CR2: variants seen among roughly 807,000 people sequenced by gnomAD.
The protein encoded by CR2 is complement receptor type 2.
Under a neutral mutation model 123.0 loss-of-function variants are expected in CR2, and 96 were observed. The ratio of observed to expected loss-of-function variants is 0.78; its 90% CI spans 0.66 to 0.93. The LOEUF is 0.93. Ranked by LOEUF, CR2 falls within the 40% of genes least tolerant of loss-of-function variation. The pLI, the probability that CR2 is intolerant of heterozygous loss-of-function variation, is 0.00. For synonymous variants in CR2, 484 were observed against 469.5 expected (o/e 1.03, Z -0.40); for missense variants, 1,258 against 1,361.0 (o/e 0.92, Z 1.19).
chr1:207,478,148 A>T, intron 16 of CR2, 78 bp downstream of exon 16: 1 of 1,446,810 alleles, frequency 6.9e-7, no homozygotes, highest in South Asian at 1.2e-5. Context: ...CAGCGTGGAG[A>T]GTCCTGGGTT....
chr1:207,456,041 C>A (rs1249847962), intron 1 of CR2, among the ~76,000 whole-genome samples: 2 of 152,158 alleles, frequency 1.3e-5, no homozygotes, highest in Non-Finnish European at 2.9e-5. Flanking sequence ...AGGTCACTTT[C>A]CAATTATGAA....
At chr1:207,472,630 G>A in intron 9 of CR2, 142 bp from the exon 10 acceptor site, 1 of 776,406 alleles carries the variant, frequency 1.3e-6, no homozygotes. Context: ...TACTTAATGA[G>A]CTTTCACACA....
chr1:207,475,192 G>T lies in CR2; in HGVS notation c.2692G>T (p.Gly898Cys). The change falls in exon 14 of 20, where the codon GGT becomes TGT. Residue 898 changes from glycine to cysteine, a missense_variant. Physicochemically the swap from Gly to Cys is radical, Grantham distance 159. Coordinates refer to ENST00000367057, the MANE Select transcript of CR2 (RefSeq NM_001006658.3). ...RCHTDNTWVP[G>C]VPTCIKKAFI... is the part of the protein sequence containing the mutation. ...TCATACTGATAACACATGGGTGCCA[G>T]GTGTGCCAACTTGTATCAAAAAAGG... The T allele has an allele frequency of 8.7e-6, 14 of 1,613,964 alleles. No homozygotes were observed. The highest frequency in any genetic ancestry group is 1.1e-5 in the Non-Finnish European group (13 of 1,179,930).
intron 18 of CR2, among the ~76,000 whole-genome samples, chr1:207,480,480 A>G (rs1658573937): frequency 6.6e-6 from 1 of 152,052 alleles, no homozygotes; most frequent in South Asian, 2.1e-4. Flanking sequence ...ACTAAATAGC[A>G]TATTATTCTA....
chr1:207,455,572 A>C (rs1657813028), intron 1 of CR2, among the ~76,000 whole-genome samples: 1 of 152,322 alleles, frequency 6.6e-6, no homozygotes, highest in Middle Eastern at 3.4e-3. Flanking sequence ...AATACAGCAC[A>C]TATTAGTTTA....
In CR2 at chr1:207,487,901, C is replaced by T. The variant is rs550458714; in HGVS notation, c.*19-1241C>T. ...GAGTGAACGTGTGGAAGTTCTCTTCCGATGATTCAGTCTTCTCAGTGAATA... is the reference window on the plus strand; with the variant it reads ...GAGTGAACGTGTGGAAGTTCTCTTCTGATGATTCAGTCTTCTCAGTGAATA... On this transcript the variant is annotated intron_variant, in intron 19 of 19. Transcript: ENST00000367057. Among the ~76,000 whole-genome samples the T allele has an allele frequency of 7.9e-5, 12 of 152,172 alleles. No individual in the cohort carries two copies. In the South Asian group the frequency reaches 1.2e-3, roughly 16 times the overall value.
Position 207,480,028 on chromosome 1 carries a change from T to C in CR2, c.3163T>C (p.Tyr1055His). ...LLTFLIVITLYVISKHRARNY... is the reference protein window; with the variant it reads ...LLTFLIVITLHVISKHRARNY... ...TACCTTCTTGATTGTCATTACCTTA[T>C]ACGTGATATCAAAACACAGAGCACG... The change falls in exon 18 of 20, where the codon TAC becomes CAC. Residue 1055 changes from tyrosine to histidine, a missense_variant. Tyr to His is a moderately conservative substitution (Grantham distance 83). Coordinates refer to ENST00000367057, the MANE Select transcript of CR2 (RefSeq NM_001006658.3). The C allele has an allele frequency of 6.2e-7, 1 of 1,612,930 alleles. No homozygotes were observed. The highest frequency in any genetic ancestry group is 1.1e-5 in the South Asian group (1 of 91,056).
chr1:207,469,940 C>T lies in CR2; in HGVS notation c.1063C>T (p.Gln355Ter). The T allele has an allele frequency of 6.2e-7, 1 of 1,614,020 alleles. No homozygotes were observed. Among genetic ancestry groups the T allele is most frequent in the Non-Finnish European group, 8.5e-7 (1 of 1,179,950 alleles). ...STSAVQCPHPQILRGRMVSGQ... is the reference protein window; with the variant it reads ...STSAVQCPHP ...TTCTGCGGTTCAGTGTCCACATCCC[C>T]AGATCCTAAGAGGCCGAATGGTATC... Residue 355 changes from glutamine (Q) to a stop codon, truncating the protein, a stop_gained, in exon 6 of 20, where the codon CAG becomes TAG. Coordinates refer to ENST00000367057, the MANE Select transcript of CR2 (RefSeq NM_001006658.3). LOFTEE classifies it high-confidence loss of function.
At chr1:207,459,936 A>G (rs908208495) in intron 1 of CR2, among the ~76,000 whole-genome samples, 9 of 152,130 alleles carry the variant, frequency 5.9e-5, no homozygotes, top group African/African-American at 1.9e-4. Context: ...ATCATCCAGA[A>G]AGTGTGATCC....
At position 207,486,230 on chromosome 1, in the gene CR2, C is replaced by CAA. The variant is rs1173937738; in HGVS notation, c.*18+683_*18+684dup. ...TGGACAACAGAGCAAGACTGCATCT[C>CAA]AAAAAAAAAAAAAAAAAAAAAAAAA... On this transcript the variant is annotated intron_variant, in intron 19 of 19. Coordinates refer to ENST00000367057, the MANE Select transcript of CR2 (RefSeq NM_001006658.3). Among the ~76,000 whole-genome samples the CAA allele has an allele frequency of 1.3e-3, 54 of 42,992 alleles. 6 individuals are homozygous for CAA. Among genetic ancestry groups the CAA allele is most frequent in the African/African-American group, 3.2e-3 (39 of 12,090 alleles). 28.2% of individuals were successfully genotyped at this position (42,992 alleles called of 152,430 possible).
In CR2 at chr1:207,474,828, T is replaced by C. The variant is rs61735651; in HGVS notation, c.2328T>C (p.Ile776=). ...WFKKIPLCKV[I]HCHPPPVIVN... Reference sequence around the variant, plus strand: ...CTCCCTAAATCTCTTCTGCAGTTATTCACTGTCACCCTCCACCAGTGATTG... The same window carrying C: ...CTCCCTAAATCTCTTCTGCAGTTATCCACTGTCACCCTCCACCAGTGATTG... Residue 776 remains isoleucine (I), a synonymous_variant, in exon 14 of 20, where the codon ATT becomes ATC. Coordinates refer to ENST00000367057, the MANE Select transcript of CR2 (RefSeq NM_001006658.3). The C allele has an allele frequency of 0.099, 159,785 of 1,613,606 alleles. 8,702 individuals are homozygous for C. The highest frequency in any genetic ancestry group is 0.11 in the Non-Finnish European group (131,979 of 1,179,610).
chr1:207,468,315 A>G, intron 2 of CR2: 2 of 589,556 alleles, frequency 3.4e-6, no homozygotes, highest in Non-Finnish European at 6.0e-6. Flanking sequence ...ACAGAAATTC[A>G]TAAACTTTCT....
At chr1:207,482,689 A>G (rs904672953) in intron 18 of CR2, among the ~76,000 whole-genome samples, 5 of 152,188 alleles carry the variant, frequency 3.3e-5, no homozygotes, top group African/African-American at 1.2e-4. Context: ...TTTGGTGAGG[A>G]TGCAAAGCAA....
chr1:207,483,164 G>A lies in CR2; in HGVS notation c.3189-2300G>A, dbSNP rs557853625. ...CCAACTCTCAGGTAGCTCCGAGTGGGGAGATGACCAAGTCATGCCACCTAA... is the reference window on the plus strand; with the variant it reads ...CCAACTCTCAGGTAGCTCCGAGTGGAGAGATGACCAAGTCATGCCACCTAA... On this transcript the variant is annotated intron_variant, in intron 18 of 19. Transcript: ENST00000367057. Among the ~76,000 whole-genome samples, 20 of 152,224 alleles carry A rather than the reference G, an allele frequency of 1.3e-4. No homozygotes were observed. The South Asian group carries it at 3.5e-3, about 27-fold the overall frequency.
chr1:207,469,976 G>A lies in CR2; in HGVS notation c.1099G>A (p.Asp367Asn), dbSNP rs2102303421. The change falls in exon 6 of 20, where the codon GAT becomes AAT. Residue 367 changes from aspartate (D) to asparagine (N), a missense_variant. Asp to Asn is a conservative substitution (Grantham distance 23). Coordinates refer to ENST00000367057, the MANE Select transcript of CR2 (RefSeq NM_001006658.3). The stretch of plus-strand genomic sequence containing the variant: ...AGGCCGAATGGTATCTGGGCAGAAA[G>A]ATCGATATACCTATAACGACACTGT... ...LRGRMVSGQK[D>N]RYTYNDTVIF... 1 of 1,613,998 alleles carries A rather than the reference G, an allele frequency of 6.2e-7. No individual in the cohort carries two copies. The highest frequency in any genetic ancestry group is 2.2e-5 in the East Asian group (1 of 44,874).
intron 17 of CR2, 114 bp from the exon 18 acceptor site, chr1:207,479,864 T>G: frequency 1.3e-6 from 1 of 776,114 alleles, no homozygotes; most frequent in Non-Finnish European, 2.3e-6. Flanking sequence ...CAAGAAGAGT[T>G]AAGTATGAGT....
At position 207,473,492 on chromosome 1, in the gene CR2, T is replaced by C. The variant is rs537475962; in HGVS notation, c.1979-53T>C. On this transcript the variant is annotated intron_variant, in intron 10 of 19. Transcript: ENST00000367057. ...GTCCAATGTTGTACACTTAGTGTTCTTGAGTAGAAATTCCTCTGTGTTGGT... is the reference window on the plus strand; with the variant it reads ...GTCCAATGTTGTACACTTAGTGTTCCTGAGTAGAAATTCCTCTGTGTTGGT... The C allele has an allele frequency of 3.7e-4, 573 of 1,550,774 alleles. 6 individuals carry two copies. In the East Asian group the frequency reaches 0.012, roughly 33 times the overall value.
intron 1 of CR2, among the ~76,000 whole-genome samples, chr1:207,463,539 C>T (rs773956787): frequency 1.3e-5 from 2 of 152,096 alleles, no homozygotes; most frequent in Non-Finnish European, 2.9e-5. Context: ...TCTGTCACCC[C>T]TGCTTGTCAT....
intron 14 of CR2, among the ~76,000 whole-genome samples, chr1:207,475,899 C>T (rs1658422679): frequency 1.3e-5 from 2 of 152,222 alleles, no homozygotes; most frequent in African/African-American, 4.8e-5. Flanking sequence ...GCTTCACTTC[C>T]TAGCTCTCGT....
Sources: allele counts gnomAD v4.1 joint callset (sites outside exome capture counted in the v4.1 genomes callset), GRCh38; gene constraint gnomAD v4.1.1; transcripts MANE v1.5; gene names NCBI Gene and HGNC (gene_info 2026-07-23, HGNC 2026-07-21).